The following AKAP13 variants were observed in gnomAD, a reference collection of about 807,000 sequenced individuals.
AKAP13 encodes the protein A-kinase anchoring protein 13, also known as A-kinase anchor protein 13.
Under a neutral mutation model 264.5 loss-of-function variants are expected in AKAP13, and 80 were observed. The ratio of observed to expected loss-of-function variants is 0.30; its 90% CI spans 0.25 to 0.36. AKAP13 has a LOEUF of 0.36. AKAP13 is among the 10% of genes least tolerant of loss of function. The pLI is 1.00. For synonymous variants in AKAP13, 1,380 were observed against 1,250.2 expected, an observed-to-expected ratio of 1.10 and a Z score of -2.19; for missense variants, 3,712 against 3,435.2, an observed-to-expected ratio of 1.08 and a Z score of -2.01.
In AKAP13 at chr15:85,631,629, A is replaced by G. The variant is rs572841355; in HGVS notation, c.4162-7745A>G. ...TAATGGGAAAACAAGTGAAATCCAA[A>G]TAAAGTCCGGAGTTTACTTAATAGT... On this transcript the variant is annotated intron_variant, in intron 8 of 36. Coordinates refer to ENST00000394518, the MANE Select transcript of AKAP13 (RefSeq NM_007200.5). Among the ~76,000 whole-genome samples the G allele has an allele frequency of 3.3e-5, 5 of 152,224 alleles. No homozygotes were observed. In the East Asian group the frequency reaches 9.7e-4, roughly 29 times the overall value.
At chr15:85,407,832 G>C (rs572249452) in intron 1 of AKAP13, among the ~76,000 whole-genome samples, 2 of 151,832 alleles carry the variant, frequency 1.3e-5, no homozygotes, top group African/African-American at 2.4e-5. Flanking sequence ...CATTCTGTGA[G>C]CAGTAGAGGA....
chr15:85,642,828 C>G (rs1172102587), intron 9 of AKAP13, among the ~76,000 whole-genome samples: 1 of 152,176 alleles, frequency 6.6e-6, no homozygotes, highest in Admixed American at 6.5e-5. Flanking sequence ...TGGACGTGGT[C>G]TGTTAGAGGG....
At chr15:85,687,406 C>T (rs956254066) in intron 16 of AKAP13, among the ~76,000 whole-genome samples, 1 of 152,138 alleles carries the variant, frequency 6.6e-6, no homozygotes, top group East Asian at 1.9e-4. Flanking sequence ...TTGTGTTAGA[C>T]CGAAATCTGT....
rs374214307 is a variant in AKAP13 at position 85,575,182 on chromosome 15, G to C, written c.714G>C (p.Pro238=). The part of the protein sequence containing the change: ...DSWSSLSYEI[P]YGDCSVRHHR... ...GGAGCAGTTTATCCTATGAAATACC[G>C]TATGGAGACTGTTCTGTGAGGCATC... Residue 238 remains proline (P), a synonymous_variant, in exon 6 of 37, where the codon CCG becomes CCC. Transcript: ENST00000394518. The C allele has an allele frequency of 2.3e-5, 37 of 1,613,938 alleles. No individual in the cohort carries two copies. Among genetic ancestry groups the C allele is most frequent in the Admixed American group, 1.0e-4 (6 of 59,990 alleles).
chr15:85,570,732 G>A (rs369077486), intron 5 of AKAP13, among the ~76,000 whole-genome samples: 1 of 152,250 alleles, frequency 6.6e-6, no homozygotes, highest in East Asian at 1.9e-4. Context: ...AATGTCCCCT[G>A]GGGGCCATAT....
intron 22 of AKAP13, 39 bp from the exon 23 acceptor site, chr15:85,719,037 A>C: frequency 6.2e-7 from 1 of 1,607,116 alleles, no homozygotes; most frequent in Non-Finnish European, 8.5e-7. Flanking sequence ...ATGCTTATAA[A>C]AGAGTGTTCC....
chr15:85,561,151 A>G (rs1350086103), intron 5 of AKAP13, among the ~76,000 whole-genome samples: 1 of 146,346 alleles, frequency 6.8e-6, no homozygotes, highest in Non-Finnish European at 1.5e-5. Flanking sequence ...TCCGCCCCCC[A>G]GGTTCAAGTG....
At chr15:85,733,742 C>G (rs2088215038) in intron 30 of AKAP13, among the ~76,000 whole-genome samples, 1 of 151,574 alleles carries the variant, frequency 6.6e-6, no homozygotes, top group African/African-American at 2.4e-5. Flanking sequence ...CTCTTATATT[C>G]TAGTTTAGTT....
At chr15:85,652,816 C>G (rs963943288) in intron 10 of AKAP13, among the ~76,000 whole-genome samples, 9 of 152,168 alleles carry the variant, frequency 5.9e-5, no homozygotes, top group Non-Finnish European at 1.3e-4. Flanking sequence ...TCTCCTCTGC[C>G]TTCACGTGGT....
intron 8 of AKAP13, among the ~76,000 whole-genome samples, chr15:85,596,502 G>A (rs2151347462): frequency 6.6e-6 from 1 of 152,186 alleles, no homozygotes; most frequent in African/African-American, 2.4e-5. Flanking sequence ...AGGATCATCT[G>A]AGCCTGGGGA....
At chr15:85,429,595 A>G (rs1027665067) in intron 1 of AKAP13, among the ~76,000 whole-genome samples, 1 of 152,222 alleles carries the variant, frequency 6.6e-6, no homozygotes, top group Non-Finnish European at 1.5e-5. Context: ...ATTGGTGAGT[A>G]TGATAAGTGC....
chr15:85,596,372 G>A (rs1050543276), intron 8 of AKAP13, among the ~76,000 whole-genome samples: 3 of 152,082 alleles, frequency 2.0e-5, no homozygotes, highest in Non-Finnish European at 2.9e-5. Context: ...TTGGGAGATC[G>A]AAGCAGGTGT....
chr15:85,463,626 C>T (rs2074608964), intron 1 of AKAP13, among the ~76,000 whole-genome samples: 1 of 152,162 alleles, frequency 6.6e-6, no homozygotes, highest in African/African-American at 2.4e-5. Context: ...TGCTGCTTTT[C>T]CCTCTGCCCT....
At chr15:85,568,463 A>G (rs16941619) in intron 5 of AKAP13, among the ~76,000 whole-genome samples, 11,421 of 152,232 alleles carry the variant, frequency 0.075, 660 homozygotes, top group East Asian at 0.21. Flanking sequence ...TCTTTGAGGA[A>G]TGCACATTTA....
intron 5 of AKAP13, among the ~76,000 whole-genome samples, chr15:85,565,209 G>A (rs184583077): frequency 6.6e-5 from 10 of 151,556 alleles, no homozygotes; most frequent in Admixed American, 2.6e-4. Context: ...GTACCATTTC[G>A]TTTATTCAGG....
chr15:85,401,420 C>T (rs34496128), intron 1 of AKAP13, among the ~76,000 whole-genome samples: 4 of 152,138 alleles, frequency 2.6e-5, no homozygotes, highest in Non-Finnish European at 5.9e-5. Context: ...TTATAGACCT[C>T]CCAAAGGACC....
At chr15:85,434,076 A>G (rs1223507496) in intron 1 of AKAP13, among the ~76,000 whole-genome samples, 2 of 97,718 alleles carry the variant, frequency 2.0e-5, no homozygotes, top group East Asian at 4.6e-4. Flanking sequence ...GGTTTATCTC[A>G]CTAGGGAGTG....
intron 3 of AKAP13, among the ~76,000 whole-genome samples, chr15:85,529,625 C>T (rs970053654): frequency 2.0e-5 from 3 of 152,144 alleles, no homozygotes; most frequent in Non-Finnish European, 4.4e-5. Context: ...GGTGCTTTAT[C>T]AGAAAGGTTA....
intron 1 of AKAP13, among the ~76,000 whole-genome samples, chr15:85,399,159 C>A (rs1391300785): frequency 6.6e-6 from 1 of 152,186 alleles, no homozygotes; most frequent in Non-Finnish European, 1.5e-5. Flanking sequence ...ATGACAGTTC[C>A]TATTTACTAT....
Sources: allele counts gnomAD v4.1 joint callset (sites outside exome capture counted in the v4.1 genomes callset), GRCh38; gene constraint gnomAD v4.1.1; transcripts MANE v1.5; gene names NCBI Gene and HGNC (gene_info 2026-07-23, HGNC 2026-07-21).